The following CPAMD8 variants were observed in gnomAD, a reference collection of about 807,000 sequenced individuals.
CPAMD8 encodes C3 and PZP like alpha-2-macroglobulin domain containing 8, also known as C3 and PZP-like alpha-2-macroglobulin domain-containing protein 8.
CPAMD8 carries 146 observed loss-of-function variants against 224.7 expected under a neutral mutation model. The observed-to-expected ratio is 0.65, with a 90% CI of 0.57 to 0.75. The LOEUF is 0.75. Among genes scored for constraint, CPAMD8 ranks in the 30% least tolerant of loss-of-function variants. The pLI, the probability that CPAMD8 is intolerant of heterozygous loss-of-function variation, is 0.00. For missense variants in CPAMD8, 2,301 were observed against 2,537.5 expected, an observed-to-expected ratio of 0.91 and a Z score of 2.00; for synonymous variants, 966 against 1,044.6, an observed-to-expected ratio of 0.92 and a Z score of 1.45.
chr19:16,940,756 C>T (rs2053860448), intron 22 of CPAMD8, among the ~76,000 whole-genome samples: 2 of 152,274 alleles, frequency 1.3e-5, no homozygotes, highest in East Asian at 1.9e-4. Context: ...TTTCATCTCA[C>T]ACCTGCTAGG....
chr19:16,908,808 A>G (rs2052616880), intron 29 of CPAMD8, among the ~76,000 whole-genome samples: 1 of 152,206 alleles, frequency 6.6e-6, no homozygotes, highest in South Asian at 2.1e-4. Flanking sequence ...CCGGCTGACT[A>G]GCCAGACCCT....
chr19:16,924,473 C>A (rs763152928), intron 26 of CPAMD8, among the ~76,000 whole-genome samples: 5 of 152,176 alleles, frequency 3.3e-5, no homozygotes, highest in Non-Finnish European at 7.4e-5. Context: ...CTAATCTGAG[C>A]CCCCAGGACC....
In CPAMD8 at chr19:16,970,844, T is replaced by G. The variant is rs534062726; in HGVS notation, c.2213+47A>C. The G allele has an allele frequency of 6.3e-5, 100 of 1,589,414 alleles. 1 individual carries two copies. The East Asian group carries it at 2.2e-3, about 35-fold the overall frequency. On this transcript the variant is annotated intron_variant, in intron 18 of 41. Transcript: ENST00000443236. Reference sequence around the variant, plus strand: ...AAGGACAAAGACAAGCCCCAGATGTTAATAGGACCAGGGTTAGAAAACCTT... The same window carrying G: ...AAGGACAAAGACAAGCCCCAGATGTGAATAGGACCAGGGTTAGAAAACCTT...
chr19:16,962,376 C>G (rs763213363), intron 18 of CPAMD8, among the ~76,000 whole-genome samples: 47 of 152,184 alleles, frequency 3.1e-4, no homozygotes, highest in Non-Finnish European at 5.7e-4. Context: ...AACCATGGCA[C>G]GAGAACTTTG....
intron 14 of CPAMD8, among the ~76,000 whole-genome samples, chr19:16,979,858 C>T (rs1411907393): frequency 6.6e-6 from 1 of 152,154 alleles, no homozygotes; most frequent in Non-Finnish European, 1.5e-5. Flanking sequence ...TATCTACCTA[C>T]CTATCTCAGT....
chr19:16,944,051 C>T (rs1373694196), intron 22 of CPAMD8, among the ~76,000 whole-genome samples: 1 of 152,112 alleles, frequency 6.6e-6, no homozygotes, highest in Non-Finnish European at 1.5e-5. Flanking sequence ...TCCGTACTCC[C>T]TGCACCTGCC....
intron 41 of CPAMD8, chr19:16,895,903 G>GCA (rs57280906): frequency 0.074 from 38,819 of 522,382 alleles, 528 homozygotes; most frequent in South Asian, 0.11. Flanking sequence ...GCGCGCGCAC[G>GCA]CACACACACA....
intron 9 of CPAMD8, among the ~76,000 whole-genome samples, chr19:17,001,570 G>A (rs1255207459): frequency 6.6e-6 from 1 of 151,958 alleles, no homozygotes; most frequent in Non-Finnish European, 1.5e-5. Flanking sequence ...GCGGGAGAGG[G>A]GCATGCTTTG....
chr19:16,932,381 A>G (rs1391071873), intron 23 of CPAMD8, among the ~76,000 whole-genome samples: 1 of 152,202 alleles, frequency 6.6e-6, no homozygotes, highest in East Asian at 1.9e-4. Context: ...TGATTGTGCC[A>G]CTGCACTCCA....
chr19:16,906,407 T>TTCCTTCCTTCC (rs2052515486), intron 30 of CPAMD8, among the ~76,000 whole-genome samples: 79 of 69,836 alleles, frequency 1.1e-3, no homozygotes, highest in African/African-American at 4.1e-3. Flanking sequence ...TCTTTCTTTC[T>TTCCTTCCTTCC]TTCCTTCCTT....
chr19:16,986,901 A>G (rs1235079025), intron 13 of CPAMD8, among the ~76,000 whole-genome samples: 1 of 151,862 alleles, frequency 6.6e-6, no homozygotes, highest in East Asian at 1.9e-4. Flanking sequence ...CACGCCTGTA[A>G]TCCCAACACT....
At chr19:16,993,936 C>T (rs2056042753) in intron 11 of CPAMD8, among the ~76,000 whole-genome samples, 1 of 152,002 alleles carries the variant, frequency 6.6e-6, no homozygotes, top group African/African-American at 2.4e-5. Flanking sequence ...AGTGAGACCT[C>T]ACTACAAAAA....
chr19:16,980,550 C>T lies in CPAMD8; in HGVS notation c.1532G>A (p.Arg511Gln), dbSNP rs756642411. Residue 511 changes from arginine to glutamine, a missense_variant, in exon 14 of 42, where the codon CGG becomes CAG. By Grantham distance (43) the Arg-to-Gln change is conservative (BLOSUM62 1). Transcript: ENST00000443236. ...PAHTTQQRSKRAAPALEKPIR... is the reference protein window; with the variant it reads ...PAHTTQQRSKQAAPALEKPIR... The stretch of plus-strand genomic sequence containing the variant: ...CGGTTTCTCCAGGGCAGGGGCCGCC[C>T]GCTTGCTTCGCTGCTGGGTGGTGTG... 9 of 1,614,038 alleles carry T rather than the reference C, an allele frequency of 5.6e-6. No homozygotes were observed. Among genetic ancestry groups the T allele is most frequent in the Admixed American group, 1.7e-5 (1 of 60,008 alleles).
chr19:16,901,385 G>A (rs1269952672), intron 35 of CPAMD8, 88 bp from the exon 36 acceptor site: 11 of 902,608 alleles, frequency 1.2e-5, no homozygotes, highest in Non-Finnish European at 1.8e-5. Context: ...AGCCCACACA[G>A]CTGATGTCCC....
chr19:16,895,876 G>C, intron 41 of CPAMD8: 2 of 545,918 alleles, frequency 3.7e-6, no homozygotes. Flanking sequence ...AGGGATCCTT[G>C]ACCCGTATGC....
At chr19:16,927,355 G>C (rs149531036) in intron 25 of CPAMD8, among the ~76,000 whole-genome samples, 1 of 151,946 alleles carries the variant, frequency 6.6e-6, no homozygotes, top group African/African-American at 2.4e-5. Context: ...CATGTAAGAC[G>C]TACCTGTCGC....
chr19:16,896,097 C>CG, intron 41 of CPAMD8, 79 bp downstream of exon 41: 2 of 1,221,578 alleles, frequency 1.6e-6, no homozygotes, highest in Non-Finnish European at 2.1e-6. Context: ...GGCAGGTCGT[C>CG]GGGGGAGGTT....
chr19:16,908,130 G>C (rs1415154199), intron 29 of CPAMD8, among the ~76,000 whole-genome samples: 1 of 152,010 alleles, frequency 6.6e-6, no homozygotes, highest in African/African-American at 2.4e-5. Flanking sequence ...AGGCCGAGGT[G>C]GGCAGATCAC....
chr19:16,967,931 G>GTATATATGTGCA (rs2054913651), intron 18 of CPAMD8, among the ~76,000 whole-genome samples: 1 of 150,786 alleles, frequency 6.6e-6, no homozygotes, highest in Non-Finnish European at 1.5e-5. Context: ...ACACATGTGT[G>GTATATATGTGCA]TATATATATA....
Sources: allele counts gnomAD v4.1 joint callset (sites outside exome capture counted in the v4.1 genomes callset), GRCh38; gene constraint gnomAD v4.1.1; transcripts MANE v1.5; gene names NCBI Gene and HGNC (gene_info 2026-07-23, HGNC 2026-07-21).